Variants in RAB11FIP3 observed in about 807,000 individuals in gnomAD.
RAB11FIP3 encodes the protein RAB11 family interacting protein 3, also known as rab11 family-interacting protein 3.
RAB11FIP3 carries 17 observed loss-of-function variants against 77.8 expected under a neutral mutation model. The ratio of observed to expected loss-of-function variants is 0.22; its 90% CI spans 0.15 to 0.33. The LOEUF (loss-of-function observed/expected upper bound fraction) is 0.33. RAB11FIP3 is among the 10% of genes least tolerant of loss of function. The pLI is 1.00. For missense variants in RAB11FIP3, 1,005 were observed against 1,011.2 expected (o/e 0.99, Z 0.08); for synonymous variants, 437 against 448.2 (o/e 0.98, Z 0.31).
chr16:500,784 C>T (rs2031466387), intron 6 of RAB11FIP3, among the ~76,000 whole-genome samples: 1 of 151,718 alleles, frequency 6.6e-6, no homozygotes, highest in Non-Finnish European at 1.5e-5. Context: ...CGTTGGTGGC[C>T]ACGTGTGGTG....
At chr16:485,195 G>A (rs1176666103) in intron 4 of RAB11FIP3, among the ~76,000 whole-genome samples, 1 of 152,112 alleles carries the variant, frequency 6.6e-6, no homozygotes, top group Non-Finnish European at 1.5e-5. Context: ...AAAGGCACGT[G>A]GGTCAGTGAG....
At chr16:438,995 C>G (rs768837534) in intron 1 of RAB11FIP3, among the ~76,000 whole-genome samples, 4 of 152,112 alleles carry the variant, frequency 2.6e-5, no homozygotes, top group Non-Finnish European at 5.9e-5. Flanking sequence ...CTAAAACATT[C>G]TTTAAAGAGA....
chr16:455,233 A>T (rs2055482405), intron 1 of RAB11FIP3, among the ~76,000 whole-genome samples: 1 of 151,606 alleles, frequency 6.6e-6, no homozygotes, highest in African/African-American at 2.4e-5. Flanking sequence ...TAATCCCAGC[A>T]CTTTGGGAGG....
intron 1 of RAB11FIP3, among the ~76,000 whole-genome samples, chr16:460,560 T>C (rs1197866548): frequency 1.3e-5 from 2 of 152,176 alleles, no homozygotes; most frequent in Non-Finnish European, 2.9e-5. Context: ...CATTTTGTGT[T>C]ACGTCCATGT....
rs112469128 is a variant in RAB11FIP3 at position 443,903 on chromosome 16, C to T, written c.714+17183C>T. Among the ~76,000 whole-genome samples the T allele has an allele frequency of 5.3e-4, 81 of 152,274 alleles. 1 individual carries two copies. The highest frequency in any genetic ancestry group is 1.4e-3 in the African/African-American group (57 of 41,560). On this transcript the variant is annotated intron_variant, in intron 1 of 13. Transcript: ENST00000262305. ...TTAAAGCATTTAAGAAAATATTTTC[C>T]GTCACCAAATTGTCTTCCAGAAAAG... is the stretch of plus-strand genomic sequence containing the variant.
chr16:496,868 G>A lies in RAB11FIP3; in HGVS notation c.1301+9G>A. On this transcript the variant is annotated intron_variant, in intron 6 of 13. Transcript: ENST00000262305. ...AGCAAGAAGGTGGCAAGGTAGGTGG[G>A]TCTCTGGTTCCTGCTGAAAAACGTT... The A allele has an allele frequency of 6.4e-7, 1 of 1,574,330 alleles. No individual in the cohort carries two copies. Among genetic ancestry groups the A allele is most frequent in the Non-Finnish European group, 8.7e-7 (1 of 1,144,152 alleles).
intron 1 of RAB11FIP3, among the ~76,000 whole-genome samples, chr16:435,162 G>T (rs1389219045): frequency 6.7e-6 from 1 of 150,034 alleles, no homozygotes; most frequent in Non-Finnish European, 1.5e-5. Flanking sequence ...TCGAGATCTT[G>T]CCACTGCACT....
At chr16:519,947 G>A in intron 11 of RAB11FIP3, 56 bp downstream of exon 11, 1 of 1,531,638 alleles carries the variant, frequency 6.5e-7, no homozygotes. Flanking sequence ...CCCACGGGGA[G>A]CCTTTGTTTC....
intron 1 of RAB11FIP3, among the ~76,000 whole-genome samples, chr16:446,747 G>A (rs1158822772): frequency 1.3e-5 from 2 of 152,010 alleles, no homozygotes; most frequent in Admixed American, 1.3e-4. Flanking sequence ...CCAGGCTGGA[G>A]TGCAGTGGCG....
chr16:488,023 AG>A (rs201878107), intron 4 of RAB11FIP3, among the ~76,000 whole-genome samples: 6,293 of 152,246 alleles, frequency 0.041, 375 homozygotes, highest in African/African-American at 0.14. Context: ...CACACGAGTG[AG>A]GAGTGTGAAG....
At chr16:437,825 C>G (rs1318308833) in intron 1 of RAB11FIP3, among the ~76,000 whole-genome samples, 1 of 152,122 alleles carries the variant, frequency 6.6e-6, no homozygotes, top group African/African-American at 2.4e-5. Context: ...CAGTGTCTCG[C>G]TCTGTTGCCC....
At chr16:488,263 C>T (rs931275838) in intron 4 of RAB11FIP3, among the ~76,000 whole-genome samples, 3 of 152,022 alleles carry the variant, frequency 2.0e-5, no homozygotes, top group African/African-American at 7.2e-5. Flanking sequence ...GCCTGTAGTC[C>T]CAGCTACTCG....
chr16:482,714 G>A lies in RAB11FIP3; in HGVS notation c.1093G>A (p.Ala365Thr). 6.2e-7 allele frequency: 1 copy of A among 1,607,466 alleles called. No homozygotes were observed. The highest frequency in any genetic ancestry group is 8.5e-7 in the Non-Finnish European group (1 of 1,178,112). ...LDAMEEPDHG[A>T]LLLLPGRPHP... ...CGCCATGGAGGAGCCCGACCATGGT[G>A]CCCTGCTGCTGCTCCCAGGCAGGTC... Residue 365 changes from alanine (A) to threonine (T), a missense_variant, in exon 4 of 14, where the codon GCC becomes ACC. Ala to Thr is a moderately conservative substitution (Grantham distance 58). Around this residue, in one of 4 missense-constraint regions of RAB11FIP3, gnomAD observed 433 missense variants for 436.1 expected, o/e 0.99. Coordinates refer to ENST00000262305, the MANE Select transcript of RAB11FIP3 (RefSeq NM_014700.4).
chr16:471,222 C>T lies in RAB11FIP3; in HGVS notation c.809-73C>T, dbSNP rs1448228828. On this transcript the variant is annotated intron_variant, in intron 2 of 13. Coordinates refer to ENST00000262305, the MANE Select transcript of RAB11FIP3 (RefSeq NM_014700.4). This position sits in a 1 kb window ranked among gnomAD's most constrained non-coding sequence, Gnocchi z 4.4. Reference sequence around the variant, plus strand: ...CCTGGGGGCCTCCTTCCCAGGGAGTCCCGAGGCCGCCAGGGGTCCCGTCAC... The same window carrying T: ...CCTGGGGGCCTCCTTCCCAGGGAGTTCCGAGGCCGCCAGGGGTCCCGTCAC... 7.4e-7 allele frequency: 1 copy of T among 1,353,862 alleles called. No individual in the cohort carries two copies. The highest frequency in any genetic ancestry group is 1.0e-6 in the Non-Finnish European group (1 of 957,582). The allele number at this position is 1,353,862 out of a possible 1,614,324, so 83.9% of individuals were successfully genotyped here.
chr16:461,103 C>T lies in RAB11FIP3; in HGVS notation c.715-301C>T, dbSNP rs3743897. 0.041 allele frequency among the ~76,000 whole-genome samples: 6,299 copies of T among 152,236 alleles called. 254 individuals are homozygous for T. The highest frequency in any genetic ancestry group is 0.21 in the East Asian group (1,064 of 5,164). On this transcript the variant is annotated intron_variant, in intron 1 of 13. Coordinates refer to ENST00000262305, the MANE Select transcript of RAB11FIP3 (RefSeq NM_014700.4). This position sits in a 1 kb window ranked among gnomAD's most constrained non-coding sequence, Gnocchi z 4.5. ...GACGCCTTTCCACAGACGGGCAGGG[C>T]GTTGGGGTGGTTTCAGGATGATACT...
At chr16:496,152 A>G (rs1157184324) in intron 5 of RAB11FIP3, among the ~76,000 whole-genome samples, 1 of 152,158 alleles carries the variant, frequency 6.6e-6, no homozygotes, top group Non-Finnish European at 1.5e-5. Flanking sequence ...CAGGACCGTG[A>G]TGGTTCCCAG....
chr16:495,051 C>CACATGATCCTGG (rs1567395380), intron 5 of RAB11FIP3, among the ~76,000 whole-genome samples: 3 of 95,624 alleles, frequency 3.1e-5, no homozygotes, highest in African/African-American at 1.2e-4. Context: ...GAGGCTGCAG[C>CACATGATCCTGG]GAGCTGTGGT....
chr16:507,288 T>C lies in RAB11FIP3; in HGVS notation c.1499+1661T>C, dbSNP rs1453544895. On this transcript the variant is annotated intron_variant, in intron 8 of 13. Transcript: ENST00000262305. The surrounding 1 kb of genome is among the most constrained non-coding windows in gnomAD (Gnocchi z 4.6). ...CCACCACGCTGGGCTAATTTTTGTATTTTTAGTAGAGACGGGGTTTCACCA... is the reference window on the plus strand; with the variant it reads ...CCACCACGCTGGGCTAATTTTTGTACTTTTAGTAGAGACGGGGTTTCACCA... Among the ~76,000 whole-genome samples, 1 of 152,178 alleles carries C rather than the reference T, an allele frequency of 6.6e-6. No homozygotes were observed. The highest frequency in any genetic ancestry group is 2.4e-5 in the African/African-American group (1 of 41,438).
Position 425,977 on chromosome 16 carries a change from G to A in RAB11FIP3, c.-30G>A, listed in dbSNP as rs1370468540. ...CTGAGCGCCTTTGTCTGCCGCCCGC[G>A]CCCTTCCGCACCACTAGCCTCTCGG... On this transcript the variant is annotated 5_prime_UTR_variant, in exon 1 of 14. Transcript: ENST00000262305. 3.9e-6 allele frequency: 3 copies of A among 770,410 alleles called. No individual in the cohort carries two copies. The highest frequency in any genetic ancestry group is 6.9e-5 in the African/African-American group (1 of 14,512). 47.7% of individuals were successfully genotyped at this position (770,410 alleles called of 1,614,324 possible). A position where few individuals can be genotyped will look rare whatever the true frequency, so the allele number is the denominator to read the frequency against.
Sources: allele counts gnomAD v4.1 joint callset (sites outside exome capture counted in the v4.1 genomes callset), GRCh38; gene constraint gnomAD v4.1.1; regional missense constraint gnomAD v4.1.1; non-coding constraint Gnocchi (gnomAD v3.1); transcripts MANE v1.5; gene names NCBI Gene and HGNC (gene_info 2026-07-23, HGNC 2026-07-21).